The following UBR3 variants were observed in gnomAD, a reference collection of about 807,000 sequenced individuals.
The protein encoded by UBR3 is ubiquitin protein ligase E3 component n-recognin 3, also known as E3 ubiquitin-protein ligase UBR3.
UBR3 carries 85 observed loss-of-function variants against 243.2 expected under a neutral mutation model. The ratio of observed to expected loss-of-function variants is 0.35; its 90% confidence interval spans 0.29 to 0.42. UBR3 has a LOEUF of 0.42. UBR3 is among the 10% of genes least tolerant of loss of function. The pLI, the probability that UBR3 is intolerant of heterozygous loss-of-function variation, is 1.00. For missense variants in UBR3, 1,686 were observed against 2,300.8 expected (o/e 0.73, Z 5.47); for synonymous variants, 748 against 799.8 (o/e 0.94, Z 1.09).
At position 169,859,968 on chromosome 2, in the gene UBR3, C is replaced by T. The variant is rs531239163; in HGVS notation, c.546-12268C>T. ...TCCTGACCTTGTGATCCACCCGCCT[C>T]GGCCTCCCAAAGTGCTGGGATTACA... is the stretch of plus-strand genomic sequence containing the variant. On this transcript the variant is annotated intron_variant, in intron 1 of 38. Transcript: ENST00000272793. Among the ~76,000 whole-genome samples the T allele has an allele frequency of 6.6e-5, 10 of 152,226 alleles. 1 individual carries two copies. In the East Asian group the frequency reaches 9.7e-4, roughly 15 times the overall value.
At chr2:169,974,196 C>T (rs529825946) in intron 24 of UBR3, among the ~76,000 whole-genome samples, 1 of 152,112 alleles carries the variant, frequency 6.6e-6, no homozygotes, top group East Asian at 1.9e-4. Flanking sequence ...AGAATGAGTT[C>T]AGAATAATTC....
intron 6 of UBR3, among the ~76,000 whole-genome samples, chr2:169,892,724 T>C (rs527774047): frequency 6.6e-6 from 1 of 152,308 alleles, no homozygotes; most frequent in African/African-American, 2.4e-5. Flanking sequence ...TTTGTAAGAA[T>C]TTTGTTCCAC....
intron 9 of UBR3, 60 bp downstream of exon 9, chr2:169,905,353 TA>T (rs2084974394): frequency 1.0e-5 from 13 of 1,257,566 alleles, no homozygotes; most frequent in Non-Finnish European, 3.1e-6. Flanking sequence ...GCTAAATTAT[TA>T]AATATCAATT....
chr2:170,014,519 A>C (rs188909936), intron 29 of UBR3: 3 of 152,174 alleles, frequency 2.0e-5, no homozygotes, highest in Admixed American at 1.3e-4. Flanking sequence ...TTTTGGCATA[A>C]TTAATTGGTT....
Position 170,061,417 on chromosome 2 carries a change from T to C in UBR3, c.4993T>C (p.Phe1665Leu). The C allele has an allele frequency of 6.2e-7, 1 of 1,614,038 alleles. No homozygotes were observed. Among genetic ancestry groups the C allele is most frequent in the East Asian group, 2.2e-5 (1 of 44,882 alleles). ...CACCAGCCTTCTTCAGCACCACCTT[T>C]TTGGGGAAGATTTACCTAGCTGCCA... is the stretch of plus-strand genomic sequence containing the variant. ...RITSLLQHHL[F>L]GEDLPSCQEE... The change falls in exon 35 of 39, where the codon TTT (phenylalanine) becomes CTT (leucine). Residue 1665 changes from phenylalanine (F) to leucine (L), a missense_variant. Phe to Leu is a conservative substitution (Grantham distance 22). Around this residue, in one of 8 missense-constraint regions of UBR3, gnomAD observed 371 missense variants for 422.5 expected, o/e 0.88. Coordinates refer to ENST00000272793, the MANE Select transcript of UBR3 (RefSeq NM_172070.4).
chr2:169,860,477 C>T (rs1043388968), intron 1 of UBR3, among the ~76,000 whole-genome samples: 9 of 152,074 alleles, frequency 5.9e-5, no homozygotes, highest in Admixed American at 1.3e-4. Context: ...TTTGAGGTTT[C>T]GCCATTCTCG....
chr2:169,876,530 T>TG lies in UBR3; in HGVS notation c.844+581_844+582insG, dbSNP rs879684150. Among the ~76,000 whole-genome samples, 1,236 of 144,680 alleles carry TG rather than the reference T, an allele frequency of 8.5e-3. 7 individuals carry two copies. The highest frequency in any genetic ancestry group is 0.013 in the Admixed American group (184 of 14,144). 94.9% of individuals were successfully genotyped at this position (144,680 alleles called of 152,430 possible). On this transcript the variant is annotated intron_variant, in intron 3 of 38. Coordinates refer to ENST00000272793, the MANE Select transcript of UBR3 (RefSeq NM_172070.4). ...ACATGATAATTATGCTCTGCCTCTC[T>TG]TTATTGTATTGTATTGTATTGTATT...
At position 169,921,501 on chromosome 2, in the gene UBR3, G is replaced by A. The variant is rs565822534; in HGVS notation, c.1867-2428G>A. On this transcript the variant is annotated intron_variant, in intron 11 of 38. Transcript: ENST00000272793. ...TAACGTTATGGAGAATGTGAACATA[G>A]GATATGCTAAAGCCCTGAAAGATAA... 7.2e-5 allele frequency among the ~76,000 whole-genome samples: 11 copies of A among 152,318 alleles called. No homozygotes were observed. The South Asian group carries it at 2.3e-3, about 32-fold the overall frequency.
At chr2:169,918,488 A>AT (rs34312357) in intron 11 of UBR3, among the ~76,000 whole-genome samples, 65,730 of 141,662 alleles carry the variant, frequency 0.46, 16,735 homozygotes, top group Non-Finnish European at 0.59. Context: ...CAAGCAAATA[A>AT]TTTTTTTTTT....
At chr2:170,047,195 G>T (rs879377943) in intron 32 of UBR3, among the ~76,000 whole-genome samples, 1,079 of 7,008 alleles carry the variant, frequency 0.15, 8 homozygotes, top group Admixed American at 0.38. Context: ...GGCGGTGTCG[G>T]GGGGGGGGTC....
At chr2:169,857,070 T>TTTTTG (rs1276445545) in intron 1 of UBR3, among the ~76,000 whole-genome samples, 3,780 of 89,172 alleles carry the variant, frequency 0.042, 427 homozygotes, top group South Asian at 0.065. Flanking sequence ...TTATGTTTTT[T>TTTTTG]TTTTTTTTTT....
Position 169,946,392 on chromosome 2 carries a change from G to A in UBR3, c.2910G>A (p.Glu970=). The stretch of plus-strand genomic sequence containing the variant: ...CTGCTGAAGAAGAATCAGATGAAGA[G>A]GTAAGTAGTTTTTATAATTTAAAAT... ...ENSAEEESDE[E]ASVGGPERCH... is the part of the protein sequence containing the mutation. Residue 970 remains glutamate (E), a splice_region_variant and synonymous_variant, in exon 21 of 39, where the codon GAG becomes GAA. Coordinates refer to ENST00000272793, the MANE Select transcript of UBR3 (RefSeq NM_172070.4). 6.8e-7 allele frequency: 1 copy of A among 1,472,022 alleles called. No individual in the cohort carries two copies. The highest frequency in any genetic ancestry group is 1.4e-5 in the South Asian group (1 of 70,794). The allele number at this position is 1,472,022 out of a possible 1,614,324, so 91.2% of individuals were successfully genotyped here. A position where few individuals can be genotyped will look rare whatever the true frequency, so the allele number is the denominator to read the frequency against.
intron 1 of UBR3, among the ~76,000 whole-genome samples, chr2:169,863,038 A>C (rs1350996501): frequency 6.6e-6 from 1 of 152,198 alleles, no homozygotes; most frequent in African/African-American, 2.4e-5. Context: ...GGAGCTTATT[A>C]TCTCACATAC....
chr2:169,891,026 TATA>T (rs2084354441), intron 5 of UBR3, 136 bp from the exon 6 acceptor site: 3 of 475,434 alleles, frequency 6.3e-6, no homozygotes, highest in Non-Finnish European at 7.2e-6. Flanking sequence ...AAATATATAT[TATA>T]GCAAATACAT....
chr2:169,857,986 T>C (rs1407166056), intron 1 of UBR3, among the ~76,000 whole-genome samples: 1 of 152,216 alleles, frequency 6.6e-6, no homozygotes, highest in Non-Finnish European at 1.5e-5. Context: ...TGTAGTGTTA[T>C]TGTCAATTAG....
intron 1 of UBR3, among the ~76,000 whole-genome samples, chr2:169,841,773 G>A (rs951336232): frequency 6.6e-6 from 1 of 152,246 alleles, no homozygotes; most frequent in Non-Finnish European, 1.5e-5. Flanking sequence ...CTTCCCGCGG[G>A]GCAGGGCTCG....
At chr2:169,918,954 G>A (rs975428226) in intron 11 of UBR3, among the ~76,000 whole-genome samples, 2 of 152,146 alleles carry the variant, frequency 1.3e-5, no homozygotes, top group African/African-American at 2.4e-5. Context: ...TTGTGACCAG[G>A]TGCTATGTGG....
At chr2:169,947,060 C>A (rs2086814067) in intron 21 of UBR3, among the ~76,000 whole-genome samples, 1 of 152,016 alleles carries the variant, frequency 6.6e-6, no homozygotes, top group Non-Finnish European at 1.5e-5. Context: ...ATAATAATAG[C>A]AAAAACAAGT....
At chr2:169,998,558 G>A (rs780666519) in intron 26 of UBR3, among the ~76,000 whole-genome samples, 56 of 152,324 alleles carry the variant, frequency 3.7e-4, no homozygotes, top group Admixed American at 8.5e-4. Flanking sequence ...TGCTATGTGT[G>A]TTGTAGATGC....
Sources: allele counts gnomAD v4.1 joint callset (sites outside exome capture counted in the v4.1 genomes callset), GRCh38; gene constraint gnomAD v4.1.1; regional missense constraint gnomAD v4.1.1; transcripts MANE v1.5; gene names NCBI Gene and HGNC (gene_info 2026-07-23, HGNC 2026-07-21).